SLC24A3: variants seen among roughly 807,000 people sequenced by gnomAD.
SLC24A3 encodes the protein sodium/potassium/calcium exchanger 3.
SLC24A3 carries 28 observed loss-of-function variants against 75.8 expected under a neutral mutation model. The observed-to-expected ratio is 0.37, with a 90% CI of 0.27 to 0.51. The LOEUF (loss-of-function observed/expected upper bound fraction) is 0.51. SLC24A3 is among the 20% of genes least tolerant of loss of function. SLC24A3 has a pLI of 0.94. For synonymous variants in SLC24A3, 372 were observed against 334.1 expected, an observed-to-expected ratio of 1.11 and a Z score of -1.24; for missense variants, 663 against 847.8, an observed-to-expected ratio of 0.78 and a Z score of 2.71.
At chr20:19,521,097 A>G (rs1193369178) in intron 3 of SLC24A3, among the ~76,000 whole-genome samples, 1 of 152,110 alleles carries the variant, frequency 6.6e-6, no homozygotes, top group African/African-American at 2.4e-5. Context: ...CAGAGTACCT[A>G]GGTGACCTGA....
chr20:19,357,907 A>G (rs1253845851), intron 2 of SLC24A3, among the ~76,000 whole-genome samples: 2 of 152,362 alleles, frequency 1.3e-5, no homozygotes, highest in South Asian at 4.1e-4. Flanking sequence ...CCAAATGGCC[A>G]TGCTAATGAT....
chr20:19,319,330 T>C (rs1395541088), intron 2 of SLC24A3, among the ~76,000 whole-genome samples: 1 of 152,232 alleles, frequency 6.6e-6, no homozygotes, highest in Non-Finnish European at 1.5e-5. Context: ...AACTGCCTTA[T>C]ACATAAATCA....
At chr20:19,464,773 A>C (rs1305527106) in intron 2 of SLC24A3, among the ~76,000 whole-genome samples, 1 of 152,218 alleles carries the variant, frequency 6.6e-6, no homozygotes, top group Non-Finnish European at 1.5e-5. Flanking sequence ...CCCATTTTAC[A>C]GGTTAAGAAA....
At chr20:19,663,736 A>G (rs556278093) in intron 7 of SLC24A3, among the ~76,000 whole-genome samples, 1 of 151,992 alleles carries the variant, frequency 6.6e-6, no homozygotes, top group South Asian at 2.1e-4. Context: ...ACCTAATTGC[A>G]TATTTTGTCC....
In SLC24A3 at chr20:19,458,906, G is replaced by C. The variant is rs535041234; in HGVS notation, c.272-56582G>C. On this transcript the variant is annotated intron_variant, in intron 2 of 16. Coordinates refer to ENST00000328041, the MANE Select transcript of SLC24A3 (RefSeq NM_020689.4). ...GCATTCTCAAGTCCCTTACTTTGAC[G>C]GACTTAAGAATTATAACTTGTAAAA... Among the ~76,000 whole-genome samples the C allele has an allele frequency of 6.4e-4, 97 of 152,240 alleles. 1 individual carries two copies. Among genetic ancestry groups the C allele is most frequent in the African/African-American group, 1.2e-3 (48 of 41,552 alleles).
intron 1 of SLC24A3, among the ~76,000 whole-genome samples, chr20:19,240,298 A>G (rs1568565753): frequency 6.6e-6 from 1 of 152,184 alleles, no homozygotes; most frequent in Non-Finnish European, 1.5e-5. Flanking sequence ...AATGGTGTAC[A>G]TCTGAGGTTC....
intron 2 of SLC24A3, among the ~76,000 whole-genome samples, chr20:19,376,354 C>T (rs1477148519): frequency 6.6e-6 from 1 of 152,166 alleles, no homozygotes; most frequent in Non-Finnish European, 1.5e-5. Flanking sequence ...AAGATGGCTT[C>T]CTGCTGGTTG....
At chr20:19,516,736 G>A (rs2029999321) in intron 3 of SLC24A3, among the ~76,000 whole-genome samples, 1 of 152,192 alleles carries the variant, frequency 6.6e-6, no homozygotes, top group African/African-American at 2.4e-5. Flanking sequence ...GAAAGGGAGG[G>A]TGACTTAGCC....
At chr20:19,686,873 AG>A (rs2032682141) in intron 12 of SLC24A3, among the ~76,000 whole-genome samples, 2 of 152,230 alleles carry the variant, frequency 1.3e-5, no homozygotes, top group South Asian at 4.1e-4. Flanking sequence ...TTATCTTCAT[AG>A]AAAAAATGTA....
intron 13 of SLC24A3, among the ~76,000 whole-genome samples, chr20:19,696,010 C>CTTTTATTTT: frequency 1.4e-5 from 1 of 72,976 alleles, no homozygotes; most frequent in African/African-American, 4.1e-5. Context: ...CCTTTTTTTC[C>CTTTTATTTT]TTTTCTTTTT....
intron 1 of SLC24A3, among the ~76,000 whole-genome samples, chr20:19,274,343 C>T (rs1342526992): frequency 6.6e-6 from 1 of 152,040 alleles, no homozygotes; most frequent in African/African-American, 2.4e-5. Context: ...TGGAGATCTT[C>T]TCCCAGCCAC....
chr20:19,698,075 A>T (rs2032831311), intron 14 of SLC24A3, among the ~76,000 whole-genome samples: 1 of 152,146 alleles, frequency 6.6e-6, no homozygotes, highest in South Asian at 2.1e-4. Flanking sequence ...AACGGGGAGC[A>T]GGCATGTCTT....
chr20:19,244,211 A>G (rs3827976), intron 1 of SLC24A3: 5 of 152,108 alleles, frequency 3.3e-5, no homozygotes, highest in African/African-American at 7.2e-5. Flanking sequence ...TAATTCAATG[A>G]GCATTCCTTT....
intron 2 of SLC24A3, among the ~76,000 whole-genome samples, chr20:19,363,147 C>T (rs993021735): frequency 3.3e-5 from 5 of 152,232 alleles, no homozygotes; most frequent in African/African-American, 1.2e-4. Flanking sequence ...CGAGGCCCCT[C>T]ACTTCCCACC....
chr20:19,253,082 G>A (rs886624429), intron 1 of SLC24A3, among the ~76,000 whole-genome samples: 3 of 152,172 alleles, frequency 2.0e-5, no homozygotes, highest in East Asian at 1.9e-4. Flanking sequence ...GTGCCCCCAG[G>A]CAACAGACGG....
At position 19,684,990 on chromosome 20, in the gene SLC24A3, C is replaced by T. The variant is rs1436208381; in HGVS notation, c.1063-110C>T. On this transcript the variant is annotated intron_variant, in intron 11 of 16. Transcript: ENST00000328041. ...CCTTAAAACTTGACTCCAGGGTCTT[C>T]TGGAAGCATATCGTCAGCTGCCAGG... 27 of 1,392,914 alleles carry T rather than the reference C, an allele frequency of 1.9e-5. No homozygotes were observed. The Admixed American group carries it at 6.7e-4, about 34-fold the overall frequency. 86.3% of individuals were successfully genotyped at this position (1,392,914 alleles called of 1,614,324 possible).
intron 16 of SLC24A3, among the ~76,000 whole-genome samples, chr20:19,720,780 C>A (rs2033096639): frequency 6.6e-6 from 1 of 152,112 alleles, no homozygotes; most frequent in South Asian, 2.1e-4. Flanking sequence ...CTACAACCAG[C>A]AGCTTCTGGC....
intron 2 of SLC24A3, among the ~76,000 whole-genome samples, chr20:19,374,891 G>A (rs770075172): frequency 5.3e-5 from 8 of 152,116 alleles, no homozygotes; most frequent in Non-Finnish European, 1.2e-4. Flanking sequence ...AATGCTTTCT[G>A]GAGCCACCCA....
At chr20:19,569,835 G>A (rs970773530) in intron 3 of SLC24A3, among the ~76,000 whole-genome samples, 1 of 152,126 alleles carries the variant, frequency 6.6e-6, no homozygotes, top group Non-Finnish European at 1.5e-5. Context: ...TTAGGCTCTG[G>A]GGGTCTCCAC....
Sources: gnomAD v4.1 joint callset for allele counts (sites outside exome capture counted in the v4.1 genomes callset) on GRCh38, gnomAD v4.1.1 for gene constraint, MANE v1.5 for transcripts, NCBI Gene and HGNC (gene_info 2026-07-23, HGNC 2026-07-21) for gene names.